Variants in SLC1A2 observed in about 807,000 individuals in gnomAD.
SLC1A2 encodes the protein excitatory amino acid transporter 2.
In SLC1A2, 15 loss-of-function variants were observed where a neutral mutation model predicts 48.8. The ratio of observed to expected loss-of-function variants is 0.31; its 90% CI spans 0.21 to 0.47. The LOEUF (loss-of-function observed/expected upper bound fraction) is 0.47, where lower values mean the gene tolerates loss of function less well. SLC1A2 is among the 20% of genes least tolerant of loss of function. The pLI is 0.99. For synonymous variants in SLC1A2, 279 were observed against 272.6 expected (o/e 1.02, Z -0.23); for missense variants, 502 against 730.5 (o/e 0.69, Z 3.61).
chr11:35,263,463 C>T (rs1306622571), intron 10 of SLC1A2, among the ~76,000 whole-genome samples: 2 of 151,922 alleles, frequency 1.3e-5, no homozygotes, highest in Non-Finnish European at 2.9e-5. Context: ...AGTGAAACTC[C>T]GTCTTAAAAA....
At chr11:35,400,942 A>C (rs530706444) in intron 1 of SLC1A2, among the ~76,000 whole-genome samples, 35 of 152,274 alleles carry the variant, frequency 2.3e-4, no homozygotes, top group African/African-American at 8.4e-4. Context: ...ACATCAATCA[A>C]TACATGTAAG....
chr11:35,309,034 T>A (rs1407440627), intron 4 of SLC1A2, among the ~76,000 whole-genome samples: 2 of 152,204 alleles, frequency 1.3e-5, no homozygotes, highest in Non-Finnish European at 2.9e-5. Flanking sequence ...TAAGTACTTT[T>A]CAGCTTCTGC....
intron 1 of SLC1A2, among the ~76,000 whole-genome samples, chr11:35,404,910 T>G (rs1855239306): frequency 6.6e-6 from 1 of 152,210 alleles, no homozygotes; most frequent in Non-Finnish European, 1.5e-5. Flanking sequence ...CTACTTTCAC[T>G]TCAAAAACAG....
intron 1 of SLC1A2, among the ~76,000 whole-genome samples, chr11:35,333,879 AT>A (rs1184235953): frequency 7.3e-6 from 1 of 137,100 alleles, no homozygotes; most frequent in Non-Finnish European, 1.5e-5. Context: ...GGGTTTTGCC[AT>A]GTTGGCCAGG....
intron 1 of SLC1A2, among the ~76,000 whole-genome samples, chr11:35,372,858 T>A (rs937329999): frequency 6.6e-6 from 1 of 152,260 alleles, no homozygotes; most frequent in African/African-American, 2.4e-5. Flanking sequence ...TTAGATTAAT[T>A]CATTTAATCC....
intron 1 of SLC1A2, among the ~76,000 whole-genome samples, chr11:35,382,630 T>C (rs182691942): frequency 2.8e-4 from 43 of 152,334 alleles, no homozygotes; most frequent in African/African-American, 1.0e-3. Context: ...ACCCTGTCTC[T>C]ACTAAAAATA....
At chr11:35,294,412 C>A (rs1431536261) in intron 6 of SLC1A2, among the ~76,000 whole-genome samples, 2 of 152,102 alleles carry the variant, frequency 1.3e-5, no homozygotes, top group Non-Finnish European at 2.9e-5. Flanking sequence ...GTCATTAAAC[C>A]CTTAGCTCTC....
At chr11:35,405,487 C>A (rs1222895662) in intron 1 of SLC1A2, among the ~76,000 whole-genome samples, 1 of 149,294 alleles carries the variant, frequency 6.7e-6, no homozygotes, top group Non-Finnish European at 1.5e-5. Context: ...TTCTTTGTAT[C>A]TGAATATCAA....
At chr11:35,317,266 C>G in intron 2 of SLC1A2, 111 bp downstream of exon 2, 1 of 1,222,020 alleles carries the variant, frequency 8.2e-7, no homozygotes, top group Non-Finnish European at 1.1e-6. Context: ...CTAGGCAAAC[C>G]ACGTGGCTTC....
intron 1 of SLC1A2, chr11:35,371,229 T>A: frequency 4.3e-6 from 1 of 232,606 alleles, no homozygotes; most frequent in Non-Finnish European, 7.1e-6. Flanking sequence ...TTCATTTGCC[T>A]CTTGTTTATG....
intron 9 of SLC1A2, among the ~76,000 whole-genome samples, chr11:35,268,639 T>C (rs1242447667): frequency 6.8e-6 from 1 of 148,144 alleles, no homozygotes; most frequent in Non-Finnish European, 1.5e-5. Context: ...CACTCCAGTC[T>C]GGGCAAGAGC....
At chr11:35,355,749 G>A (rs940498695) in intron 1 of SLC1A2, among the ~76,000 whole-genome samples, 1 of 152,306 alleles carries the variant, frequency 6.6e-6, no homozygotes, top group South Asian at 2.1e-4. Context: ...GCTGGGCATA[G>A]TGGCATGTGC....
At chr11:35,402,060 G>A (rs773315422) in intron 1 of SLC1A2, among the ~76,000 whole-genome samples, 36 of 152,264 alleles carry the variant, frequency 2.4e-4, no homozygotes, top group Non-Finnish European at 4.3e-4. Context: ...CGTTGCTTGG[G>A]GAGACTTTGA....
rs1460100826 is a variant in SLC1A2 at position 35,260,683 on chromosome 11, A to C, written c.*211T>G. ...TTCAAATAATAATACAAGTGAGAAAATTAGACGGTTATAAAGCATTATTTG... is the reference window on the plus strand; with the variant it reads ...TTCAAATAATAATACAAGTGAGAAACTTAGACGGTTATAAAGCATTATTTG... On this transcript the variant is annotated 3_prime_UTR_variant, in exon 11 of 11. Coordinates refer to ENST00000278379, the MANE Select transcript of SLC1A2 (RefSeq NM_004171.4). 1.9e-6 allele frequency: 1 copy of C among 539,072 alleles called. No individual in the cohort carries two copies. Among genetic ancestry groups the C allele is most frequent in the African/African-American group, 1.9e-5 (1 of 52,356 alleles). The allele number at this position is 539,072 out of a possible 1,614,324, so 33.4% of individuals were successfully genotyped here.
chr11:35,374,150 T>TG (rs1428861951), intron 1 of SLC1A2: 2 of 285,890 alleles, frequency 7.0e-6, no homozygotes, highest in African/African-American at 4.5e-5. Flanking sequence ...TTCACTGCCC[T>TG]GTGTCCTCTG....
chr11:35,338,459 A>G (rs1346746134), intron 1 of SLC1A2, among the ~76,000 whole-genome samples: 3 of 152,234 alleles, frequency 2.0e-5, no homozygotes, highest in South Asian at 2.1e-4. Context: ...AGGATACTCT[A>G]TCCTCATAAC....
At chr11:35,412,766 G>A (rs1313893845) in intron 1 of SLC1A2, among the ~76,000 whole-genome samples, 2 of 152,218 alleles carry the variant, frequency 1.3e-5, no homozygotes, top group Non-Finnish European at 2.9e-5. Flanking sequence ...TATAAGCTCA[G>A]CTACATTTGC....
intron 1 of SLC1A2, among the ~76,000 whole-genome samples, chr11:35,343,991 A>C (rs1590210177): frequency 6.6e-6 from 1 of 152,318 alleles, no homozygotes; most frequent in South Asian, 2.1e-4. Context: ...CTGGAACCCA[A>C]GACACATGGC....
At chr11:35,349,636 T>A (rs116040842) in intron 1 of SLC1A2, among the ~76,000 whole-genome samples, 3,068 of 152,246 alleles carry the variant, frequency 0.02, 115 homozygotes, top group African/African-American at 0.07. Flanking sequence ...CTCTCCCATA[T>A]CAAAGATAAG....
Sources: gnomAD v4.1 joint callset for allele counts (sites outside exome capture counted in the v4.1 genomes callset) on GRCh38, gnomAD v4.1.1 for gene constraint, MANE v1.5 for transcripts, NCBI Gene and HGNC (gene_info 2026-07-23, HGNC 2026-07-21) for gene names.